Variants in TES observed in about 807,000 individuals in gnomAD.
TES encodes testin.
In TES, 41 loss-of-function variants were observed where a neutral mutation model predicts 48.2. That is an observed-to-expected ratio of 0.85 (90% CI 0.66 to 1.10). TES has a LOEUF of 1.10. Ranked by LOEUF, TES falls within the 50% of genes least tolerant of loss-of-function variation. The probability of loss-of-function intolerance (pLI) is 0.00; values close to 1 mark genes in which losing one functional copy is unlikely to be tolerated. For synonymous variants in TES, 162 were observed against 174.9 expected (o/e 0.93, Z 0.58); for missense variants, 463 against 515.1 (o/e 0.90, Z 0.98).
intron 2 of TES, among the ~76,000 whole-genome samples, chr7:116,236,676 G>T (rs1369460239): frequency 1.3e-5 from 2 of 152,076 alleles, no homozygotes; most frequent in African/African-American, 4.8e-5. Flanking sequence ...ATTCCTAAGA[G>T]ATATCATCTT....
At chr7:116,223,066 A>G (rs1381647997) in intron 1 of TES, 2 of 893,780 alleles carry the variant, frequency 2.2e-6, no homozygotes, top group Non-Finnish European at 2.7e-6. Context: ...AGTAGTATAA[A>G]AATAATTTGA....
intron 2 of TES, among the ~76,000 whole-genome samples, chr7:116,236,654 A>T (rs1465893406): frequency 6.6e-6 from 1 of 152,154 alleles, no homozygotes; most frequent in Non-Finnish European, 1.5e-5. Flanking sequence ...CGCTCGTGAG[A>T]TTTTAAAGCT....
chr7:116,214,261 A>G (rs577568034), intron 1 of TES, among the ~76,000 whole-genome samples: 3 of 152,316 alleles, frequency 2.0e-5, no homozygotes, highest in African/African-American at 7.2e-5. Context: ...ATTAGCCAAA[A>G]AAGCATAGTG....
At chr7:116,246,947 C>T (rs73719150) in intron 2 of TES, among the ~76,000 whole-genome samples, 42,525 of 131,114 alleles carry the variant, frequency 0.32, 7,054 homozygotes, top group East Asian at 0.57. Context: ...GACTAGGCCC[C>T]TTTTTTTTTT....
chr7:116,238,616 T>TTATTATTATTATTA lies in TES; in HGVS notation c.113+3998_113+3999insATTATTATTATTAT, dbSNP rs766170427. ...TATTATTATTATTATTATTATTATTTTTGAGATGGGGTTTCACCCTTGTTG... is the reference window on the plus strand; with the variant it reads ...TATTATTATTATTATTATTATTATTTTATTATTATTATTATTGAGATGGGGTTTCACCCTTGTTG... On this transcript the variant is annotated intron_variant, in intron 2 of 6. Transcript: ENST00000358204. Among the ~76,000 whole-genome samples, 12 of 92,736 alleles carry TTATTATTATTATTA rather than the reference T, an allele frequency of 1.3e-4. 1 individual carries two copies. Among genetic ancestry groups the TTATTATTATTATTA allele is most frequent in the South Asian group, 1.3e-3 (4 of 3,150 alleles). 60.8% of individuals were successfully genotyped at this position (92,736 alleles called of 152,430 possible).
At chr7:116,234,195 A>C (rs1289496861) in intron 1 of TES, among the ~76,000 whole-genome samples, 3 of 152,076 alleles carry the variant, frequency 2.0e-5, no homozygotes, top group African/African-American at 7.2e-5. Context: ...TAGTTTTCTG[A>C]GTGTTGTACC....
Position 116,210,638 on chromosome 7 carries a change from C to A in TES, c.-70C>A. On this transcript the variant is annotated 5_prime_UTR_variant, in exon 1 of 7. Coordinates refer to ENST00000358204, the MANE Select transcript of TES (RefSeq NM_015641.4). ...CAGGTTTCCCGTGTTCGCAGCGGAG[C>A]CGGAGGCCAGCTGAACCCGGCCGTG... The A allele has an allele frequency of 1.6e-6, 2 of 1,289,906 alleles. No homozygotes were observed. Among genetic ancestry groups the A allele is most frequent in the Non-Finnish European group, 2.0e-6 (2 of 1,006,290 alleles). The allele number at this position is 1,289,906 out of a possible 1,614,324, so 79.9% of individuals were successfully genotyped here.
intron 1 of TES, among the ~76,000 whole-genome samples, chr7:116,215,132 TA>T (rs1409192263): frequency 6.6e-6 from 1 of 152,182 alleles, no homozygotes; most frequent in African/African-American, 2.4e-5. Flanking sequence ...ATGAAGAAAC[TA>T]AAAGTTTAGA....
At chr7:116,243,779 C>T (rs1489619742) in intron 2 of TES, 1 of 152,190 alleles carries the variant, frequency 6.6e-6, no homozygotes, top group Non-Finnish European at 1.5e-5. Flanking sequence ...AGTCTGCTCT[C>T]AGTTAGTCAA....
chr7:116,257,245 C>T, intron 6 of TES, 49 bp from the exon 7 acceptor site: 1 of 1,488,286 alleles, frequency 6.7e-7, no homozygotes, highest in Non-Finnish European at 9.1e-7. Context: ...AAAATGTTAC[C>T]ATTACAGCTT....
chr7:116,243,880 T>C (rs1206563716), intron 2 of TES: 1 of 152,146 alleles, frequency 6.6e-6, no homozygotes, highest in Non-Finnish European at 1.5e-5. Context: ...AAACTTACAA[T>C]TGTGGCAAAA....
intron 1 of TES, among the ~76,000 whole-genome samples, chr7:116,224,508 A>G (rs1563006436): frequency 6.6e-6 from 1 of 152,186 alleles, no homozygotes; most frequent in Admixed American, 6.5e-5. Flanking sequence ...CAATTTTGAA[A>G]TATAATTTGT....
intron 1 of TES, among the ~76,000 whole-genome samples, chr7:116,227,474 A>C (rs889950137): frequency 6.6e-6 from 1 of 152,156 alleles, no homozygotes; most frequent in South Asian, 2.1e-4. Context: ...GAAACAGGCA[A>C]TGAACTAAAA....
At chr7:116,256,514 T>G (rs778223536) in intron 6 of TES, among the ~76,000 whole-genome samples, 1 of 152,244 alleles carries the variant, frequency 6.6e-6, no homozygotes, top group Non-Finnish European at 1.5e-5. Context: ...CCGAACTGGT[T>G]TTCTGTTTTC....
intron 1 of TES, among the ~76,000 whole-genome samples, chr7:116,223,821 T>A (rs375765909): frequency 6.6e-6 from 1 of 152,202 alleles, no homozygotes; most frequent in East Asian, 1.9e-4. Flanking sequence ...TTCCCCTTTA[T>A]AATATGTCTG....
chr7:116,251,993 A>G lies in TES; in HGVS notation c.918+18A>G. ...GTGACGAGGTATGTTCTATGGGACC[A>G]CCGGCATGCTGGTGCCCTCTTAGAC... On this transcript the variant is annotated intron_variant, in intron 5 of 6. Transcript: ENST00000358204. The G allele has an allele frequency of 6.2e-7, 1 of 1,612,764 alleles. No individual in the cohort carries two copies. The highest frequency in any genetic ancestry group is 8.5e-7 in the Non-Finnish European group (1 of 1,178,764).
intron 1 of TES, among the ~76,000 whole-genome samples, chr7:116,216,658 C>T (rs1359775800): frequency 6.6e-6 from 1 of 151,998 alleles, no homozygotes; most frequent in Non-Finnish European, 1.5e-5. Flanking sequence ...CCATGAAGAA[C>T]CTATAGATTG....
intron 1 of TES, 93 bp from the exon 2 acceptor site, chr7:116,234,441 A>G: frequency 9.2e-7 from 1 of 1,085,382 alleles, no homozygotes; most frequent in Non-Finnish European, 1.4e-6. Flanking sequence ...TTATCTCAAC[A>G]CAAGTGGTAA....
At chr7:116,252,853 T>A (rs926942460) in intron 6 of TES, 2 of 220,354 alleles carry the variant, frequency 9.1e-6, no homozygotes, top group Non-Finnish European at 1.8e-5. Flanking sequence ...TGATGCTTTC[T>A]GTTTGTGTTA....
Sources: allele counts gnomAD v4.1 joint callset (sites outside exome capture counted in the v4.1 genomes callset), GRCh38; gene constraint gnomAD v4.1.1; transcripts MANE v1.5; gene names NCBI Gene and HGNC (gene_info 2026-07-23, HGNC 2026-07-21).